Variants in SUGP1 observed in about 807,000 individuals in gnomAD.
SUGP1 encodes SURP and G-patch domain-containing protein 1.
In SUGP1, 34 loss-of-function variants were observed where a neutral mutation model predicts 76.5. The ratio of observed to expected loss-of-function variants is 0.44; its 90% CI spans 0.34 to 0.59. The LOEUF is 0.59. Among genes scored for constraint, SUGP1 ranks in the 20% least tolerant of loss-of-function variants. The pLI, the probability that SUGP1 is intolerant of heterozygous loss-of-function variation, is 0.01. For synonymous variants in SUGP1, 326 were observed against 326.2 expected (o/e 1.00, Z 0.01); for missense variants, 752 against 851.7 (o/e 0.88, Z 1.46).
chr19:19,277,920 G>C (rs1317066730), intron 11 of SUGP1, 41 bp from the exon 12 acceptor site: 1 of 1,606,754 alleles, frequency 6.2e-7, no homozygotes, highest in Non-Finnish European at 8.5e-7. Flanking sequence ...CAGGGCTGGG[G>C]CTGTGGTGGC....
At chr19:19,283,940 A>G (rs1377353186) in intron 8 of SUGP1, among the ~76,000 whole-genome samples, 1 of 152,246 alleles carries the variant, frequency 6.6e-6, no homozygotes, top group Non-Finnish European at 1.5e-5. Context: ...TACTGTAATC[A>G]TTTTGTAGCC....
chr19:19,280,039 G>A, intron 9 of SUGP1, 146 bp downstream of exon 9: 1 of 741,762 alleles, frequency 1.3e-6, no homozygotes, highest in Non-Finnish European at 2.2e-6. Flanking sequence ...TGCCTGCCTG[G>A]AAGCCTCCCC....
At chr19:19,312,853 G>A (rs762753824) in intron 2 of SUGP1, among the ~76,000 whole-genome samples, 3 of 151,854 alleles carry the variant, frequency 2.0e-5, no homozygotes, top group African/African-American at 4.8e-5. Context: ...AGCCGGGCAT[G>A]GTGGGGGGCA....
chr19:19,311,726 CAAA>C (rs55707664), intron 2 of SUGP1, among the ~76,000 whole-genome samples: 30,237 of 75,462 alleles, frequency 0.4, 2,723 homozygotes, highest in African/African-American at 0.5. Context: ...GACTCTGTCT[CAAA>C]AAAAAAAAAA....
intron 7 of SUGP1, 112 bp from the exon 8 acceptor site, chr19:19,297,456 T>C: frequency 1.6e-6 from 1 of 610,360 alleles, no homozygotes; most frequent in Non-Finnish European, 2.6e-6. Flanking sequence ...GGTCACTATA[T>C]GGTCATGTCA....
At chr19:19,284,062 G>A (rs950006230) in intron 8 of SUGP1, among the ~76,000 whole-genome samples, 11 of 152,192 alleles carry the variant, frequency 7.2e-5, no homozygotes, top group African/African-American at 1.9e-4. Flanking sequence ...TGCATATTGC[G>A]GTAAAGAGAC....
chr19:19,318,530 G>A (rs1402190519), intron 1 of SUGP1, among the ~76,000 whole-genome samples: 2 of 152,102 alleles, frequency 1.3e-5, no homozygotes, highest in Non-Finnish European at 2.9e-5. Context: ...CTGGGCTCTA[G>A]AGATTCTCCC....
intron 8 of SUGP1, among the ~76,000 whole-genome samples, chr19:19,284,877 T>G (rs1177711817): frequency 7.3e-6 from 1 of 136,398 alleles, no homozygotes; most frequent in Non-Finnish European, 1.6e-5. Context: ...ACAGGTTTGT[T>G]TTTTTTTTTT....
At chr19:19,293,452 T>G (rs2061201181) in intron 8 of SUGP1, among the ~76,000 whole-genome samples, 1 of 151,498 alleles carries the variant, frequency 6.6e-6, no homozygotes, top group Admixed American at 6.6e-5. Context: ...GTCGTGGTGG[T>G]GGGCACCTGT....
At chr19:19,287,200 C>A (rs767915264) in intron 8 of SUGP1, among the ~76,000 whole-genome samples, 1 of 151,986 alleles carries the variant, frequency 6.6e-6, no homozygotes, top group Non-Finnish European at 1.5e-5. Context: ...GACCCCAGAG[C>A]GCAGAGGCTG....
intron 4 of SUGP1, 126 bp from the exon 5 acceptor site, chr19:19,303,973 G>T: frequency 1.3e-6 from 2 of 1,596,502 alleles, no homozygotes; most frequent in Non-Finnish European, 1.7e-6. Context: ...GGAGGCTGTC[G>T]GGCGTCCCGA....
intron 8 of SUGP1, among the ~76,000 whole-genome samples, chr19:19,293,737 C>T (rs2061203508): frequency 6.6e-6 from 1 of 152,186 alleles, no homozygotes; most frequent in Non-Finnish European, 1.5e-5. Flanking sequence ...GACAAGGATG[C>T]ACACTTCCAC....
intron 8 of SUGP1, among the ~76,000 whole-genome samples, chr19:19,286,238 G>A (rs942160556): frequency 6.6e-6 from 1 of 152,170 alleles, no homozygotes; most frequent in African/African-American, 2.4e-5. Flanking sequence ...AACACTGAAG[G>A]CATCAAAGTG....
intron 8 of SUGP1, among the ~76,000 whole-genome samples, chr19:19,282,193 T>C (rs1192345678): frequency 6.6e-6 from 1 of 152,104 alleles, no homozygotes; most frequent in Non-Finnish European, 1.5e-5. Flanking sequence ...TTAGTCAGGC[T>C]GGTCTTGAAC....
intron 7 of SUGP1, 136 bp downstream of exon 7, chr19:19,302,129 G>T: frequency 7.2e-7 from 1 of 1,383,944 alleles, no homozygotes; most frequent in South Asian, 1.4e-5. Context: ...GGGCTCTGGG[G>T]TCAGAGACTC....
At chr19:19,303,205 C>T (rs939433349) in intron 6 of SUGP1, 143 bp downstream of exon 6, 4 of 671,232 alleles carry the variant, frequency 6.0e-6, no homozygotes, top group East Asian at 2.6e-5. Context: ...CCCAGAGTGA[C>T]CCCAGATGCC....
At chr19:19,306,706 C>T (rs2061320679) in intron 3 of SUGP1, among the ~76,000 whole-genome samples, 1 of 152,238 alleles carries the variant, frequency 6.6e-6, no homozygotes, top group African/African-American at 2.4e-5. Context: ...TATCACACTG[C>T]ACACCTGTAG....
Position 19,279,198 on chromosome 19 carries a change from C to CCCA in SUGP1, c.1528+14_1528+15insTGG. On this transcript the variant is annotated intron_variant, in intron 10 of 13. Transcript: ENST00000247001. ...ATGCCCAGCCCAGCCCGGCCCACCC[C>CCCA]GCTGCCCCACATACCCCTGGTCTTA... 2 of 1,578,104 alleles carry CCCA rather than the reference C, an allele frequency of 1.3e-6. No individual in the cohort carries two copies. The highest frequency in any genetic ancestry group is 8.6e-7 in the Non-Finnish European group (1 of 1,162,840).
chr19:19,314,664 A>T (rs2061379546), intron 2 of SUGP1, among the ~76,000 whole-genome samples: 1 of 152,216 alleles, frequency 6.6e-6, no homozygotes, highest in Non-Finnish European at 1.5e-5. Context: ...GAAAGACAAG[A>T]AATCACATTC....
Sources: allele counts gnomAD v4.1 joint callset (sites outside exome capture counted in the v4.1 genomes callset), GRCh38; gene constraint gnomAD v4.1.1; transcripts MANE v1.5; gene names NCBI Gene and HGNC (gene_info 2026-07-23, HGNC 2026-07-21).